Variants in ATG7 observed in about 807,000 individuals in gnomAD.
The protein encoded by ATG7 is autophagy related 7.
ATG7 carries 70 observed loss-of-function variants against 82.4 expected under a neutral mutation model. That is an observed-to-expected ratio of 0.85 (90% confidence interval 0.70 to 1.04). The LOEUF is 1.04. ATG7 is among the 50% of genes least tolerant of loss of function. The pLI is 0.00. For missense variants in ATG7, 792 were observed against 864.3 expected (o/e 0.92, Z 1.05); for synonymous variants, 287 against 313.0 (o/e 0.92, Z 0.88).
At chr3:11,383,656 G>T (rs1438461298) in intron 19 of ATG7, among the ~76,000 whole-genome samples, 2 of 152,060 alleles carry the variant, frequency 1.3e-5, no homozygotes, top group Non-Finnish European at 2.9e-5. Context: ...CACTCCATTG[G>T]CCAGGCTGGT....
At chr3:11,453,072 T>C (rs2085352900) in intron 20 of ATG7, among the ~76,000 whole-genome samples, 1 of 152,192 alleles carries the variant, frequency 6.6e-6, no homozygotes, top group Admixed American at 6.5e-5. Flanking sequence ...GCCTGGAGAA[T>C]CTACAGCTCT....
intron 20 of ATG7, among the ~76,000 whole-genome samples, chr3:11,479,321 C>T (rs1374428212): frequency 6.6e-6 from 1 of 152,016 alleles, no homozygotes. Context: ...AAGAGATTAC[C>T]ATATTTGTGT....
chr3:11,531,322 G>A (rs1367137687), intron 20 of ATG7, among the ~76,000 whole-genome samples: 3 of 152,150 alleles, frequency 2.0e-5, no homozygotes, highest in Non-Finnish European at 4.4e-5. Flanking sequence ...AGCCTGAGAG[G>A]TGGGGGGCAC....
intron 9 of ATG7, among the ~76,000 whole-genome samples, chr3:11,318,067 ACTTC>A (rs1949696732): frequency 6.6e-6 from 1 of 152,248 alleles, no homozygotes; most frequent in Non-Finnish European, 1.5e-5. Context: ...ATATGTATCC[ACTTC>A]CTTTATGTTT....
chr3:11,284,287 G>A (rs976631834), intron 3 of ATG7, among the ~76,000 whole-genome samples: 3 of 152,040 alleles, frequency 2.0e-5, no homozygotes, highest in Non-Finnish European at 4.4e-5. Flanking sequence ...ATGGTTGGGC[G>A]GTCTCACTCC....
At chr3:11,380,554 G>A (rs2077814571) in intron 19 of ATG7, among the ~76,000 whole-genome samples, 1 of 152,200 alleles carries the variant, frequency 6.6e-6, no homozygotes, top group African/African-American at 2.4e-5. Flanking sequence ...AATAGAGCTG[G>A]TATGTTAGCC....
rs140710668 is a variant in ATG7, at chr3:11,417,802, T to TATTATTA, written c.1957-9002_1957-9001insATTATTA. Among the ~76,000 whole-genome samples the TATTATTA allele has an allele frequency of 4.5e-4, 40 of 89,424 alleles. 1 individual carries two copies. Among genetic ancestry groups the TATTATTA allele is most frequent in the South Asian group, 7.2e-4 (2 of 2,782 alleles). The allele number at this position is 89,424 out of a possible 152,430, so 58.7% of individuals were successfully genotyped here. On this transcript the variant is annotated intron_variant, in intron 19 of 20. Coordinates refer to ENST00000693202, the MANE Select transcript of ATG7 (RefSeq NM_001349232.2). ...TTTAAAAAATTATTATTATTATTAT[T>TATTATTA]TTATTTTATTTTATTTTTTTTTTTT...
At chr3:11,410,286 T>A (rs2080771213) in intron 19 of ATG7, among the ~76,000 whole-genome samples, 1 of 152,220 alleles carries the variant, frequency 6.6e-6, no homozygotes, top group Non-Finnish European at 1.5e-5. Flanking sequence ...TTGTTAGATT[T>A]GTACCTAGGT....
At position 11,432,467 on chromosome 3, in the gene ATG7, A is replaced by T. The variant is rs2082985582; in HGVS notation, c.2079+5541A>T. ...TTATGAAGAAGGAGCCTTGCATAAG[A>T]ATGATATAATGGACTTTTGGGACTT... On this transcript the variant is annotated intron_variant, in intron 20 of 20. Coordinates refer to ENST00000693202, the MANE Select transcript of ATG7 (RefSeq NM_001349232.2). 2.0e-5 allele frequency among the ~76,000 whole-genome samples: 3 copies of T among 148,420 alleles called. No individual in the cohort carries two copies. In the South Asian group the frequency reaches 6.5e-4, roughly 32 times the overall value.
chr3:11,424,258 G>T (rs182829330), intron 19 of ATG7, among the ~76,000 whole-genome samples: 1 of 151,808 alleles, frequency 6.6e-6, no homozygotes, highest in African/African-American at 2.4e-5. Context: ...ACCAACTAAA[G>T]ATTTTAGTAT....
the ATG7 span, chr3:11,568,896 G>A: frequency 1.0e-4 from 134 of 1,314,912 alleles, no homozygotes; most frequent in Admixed American, 4.6e-4. The surrounding 1 kb of genome is among the most constrained non-coding windows in gnomAD (Gnocchi z 5.9). Context: ...GCCCCGCCCC[G>A]GGCCTCATCC....
intron 20 of ATG7, among the ~76,000 whole-genome samples, chr3:11,451,805 T>C (rs1419258407): frequency 0.072 from 880 of 12,190 alleles, 16 homozygotes; most frequent in African/African-American, 0.2. Flanking sequence ...AAAAACAAAT[T>C]AAAAAAACCC....
downstream of ATG7, among the ~76,000 whole-genome samples, chr3:11,561,891 CTTTTTTTTT>C (rs35380668): frequency 4.5e-5 from 4 of 88,608 alleles, no homozygotes; most frequent in Non-Finnish European, 6.0e-5. Flanking sequence ...CTGCGCCAAA[CTTTTTTTTT>C]TTTTTTTTTT....
Position 11,389,370 on chromosome 3 carries a change from A to G in ATG7, c.1956+9318A>G, listed in dbSNP as rs554068139. ...GTGATATGGATATGAACTTAATCAT[A>G]GTTTTCTAGAGTGTCTGACCTTCTC... On this transcript the variant is annotated intron_variant, in intron 19 of 20. Transcript: ENST00000693202. Among the ~76,000 whole-genome samples the G allele has an allele frequency of 1.2e-4, 18 of 148,462 alleles. No homozygotes were observed. In the South Asian group the frequency reaches 3.7e-3, roughly 30 times the overall value.
At chr3:11,425,633 C>T (rs973905822) in intron 19 of ATG7, among the ~76,000 whole-genome samples, 1 of 152,120 alleles carries the variant, frequency 6.6e-6, no homozygotes, top group African/African-American at 2.4e-5. Context: ...TCCTAGTCTC[C>T]TCTCAAGTGT....
chr3:11,564,676 CCCTCCCTCACCA>C, the ATG7 span: 5 of 1,214,540 alleles, frequency 4.1e-6, no homozygotes, highest in African/African-American at 3.6e-5. Context: ...CTCACCACCT[CCCTCCCTCACCA>C]CCTCCCTCCC....
At chr3:11,468,616 G>A (rs1033583776) in intron 20 of ATG7, among the ~76,000 whole-genome samples, 3 of 152,094 alleles carry the variant, frequency 2.0e-5, no homozygotes, top group African/African-American at 7.2e-5. Context: ...ACTGTGTCAT[G>A]GAGAAAACAC....
chr3:11,573,392 AAAGAAAAT>A, the ATG7 span, among the ~76,000 whole-genome samples: 1 of 149,482 alleles, frequency 6.7e-6, no homozygotes, highest in African/African-American at 2.4e-5. Flanking sequence ...AGAAAGAAAG[AAAGAAAAT>A]GGCCCCATAG....
At chr3:11,476,016 A>G (rs2088170704) in intron 20 of ATG7, among the ~76,000 whole-genome samples, 1 of 152,118 alleles carries the variant, frequency 6.6e-6, no homozygotes, top group Non-Finnish European at 1.5e-5. Context: ...TTATTTCCCC[A>G]CAGGCTCTAG....
Sources: allele counts gnomAD v4.1 joint callset (sites outside exome capture counted in the v4.1 genomes callset), GRCh38; gene constraint gnomAD v4.1.1; non-coding constraint Gnocchi (gnomAD v3.1); transcripts MANE v1.5; gene names NCBI Gene and HGNC (gene_info 2026-07-23, HGNC 2026-07-21).